LONP2: variants seen among roughly 807,000 people sequenced by gnomAD.
LONP2 encodes the protein lon peptidase 2, peroxisomal, also known as lon protease homolog 2, peroxisomal.
In LONP2, 60 loss-of-function variants were observed where a neutral mutation model predicts 85.6. The ratio of observed to expected loss-of-function variants is 0.70; its 90% confidence interval spans 0.57 to 0.87. The LOEUF is 0.87. LONP2 is among the 40% of genes least tolerant of loss of function. The probability of loss-of-function intolerance (pLI) is 0.00; values close to 1 mark genes in which losing one functional copy is unlikely to be tolerated. For missense variants in LONP2, 860 were observed against 1,063.5 expected (o/e 0.81, Z 2.66); for synonymous variants, 395 against 389.7 (o/e 1.01, Z -0.16).
At position 48,288,778 on chromosome 16, in the gene LONP2, TAC is replaced by T. The variant is rs71714500; in HGVS notation, c.1384-7235_1384-7234del. Among the ~76,000 whole-genome samples, 652 of 152,194 alleles carry T rather than the reference TAC, an allele frequency of 4.3e-3. 3 individuals are homozygous for T. The highest frequency in any genetic ancestry group is 0.015 in the African/African-American group (617 of 41,504). On this transcript the variant is annotated intron_variant, in intron 8 of 14. Coordinates refer to ENST00000285737, the MANE Select transcript of LONP2 (RefSeq NM_031490.5). ...CCTTCTTAAACACCCTGTCTCCAAA[TAC>T]AGTCTTCACCCTGACTGCCCTTGAG...
At chr16:48,257,785 G>A (rs1410766489) in intron 3 of LONP2, among the ~76,000 whole-genome samples, 1 of 152,148 alleles carries the variant, frequency 6.6e-6, no homozygotes, top group East Asian at 1.9e-4. Context: ...TAATCCAGTG[G>A]GAGTAGAAGA....
intron 12 of LONP2, among the ~76,000 whole-genome samples, chr16:48,337,253 A>G (rs1959679777): frequency 6.6e-6 from 1 of 152,210 alleles, no homozygotes; most frequent in Admixed American, 6.5e-5. Flanking sequence ...TGTCTGCTAG[A>G]AGAGAGTGGC....
chr16:48,303,652 A>G (rs1972854162), intron 11 of LONP2, among the ~76,000 whole-genome samples: 1 of 152,154 alleles, frequency 6.6e-6, no homozygotes, highest in Admixed American at 6.5e-5. Flanking sequence ...AAGTCCCACA[A>G]TAGGCCATCT....
chr16:48,310,608 T>G (rs541852592), intron 11 of LONP2, among the ~76,000 whole-genome samples: 1 of 152,346 alleles, frequency 6.6e-6, no homozygotes, highest in South Asian at 2.1e-4. Context: ...CGCCTTGGCC[T>G]CCCAAAGTGC....
chr16:48,284,695 CA>C (rs749665609), intron 8 of LONP2, among the ~76,000 whole-genome samples: 7 of 150,142 alleles, frequency 4.7e-5, no homozygotes, highest in Admixed American at 2.0e-4. Context: ...CACTGGGAAA[CA>C]AAAAAAAACA....
chr16:48,274,809 TA>T (rs1972173066), intron 7 of LONP2, among the ~76,000 whole-genome samples: 1 of 152,200 alleles, frequency 6.6e-6, no homozygotes, highest in African/African-American at 2.4e-5. Context: ...GGATTTTAAG[TA>T]ACAGAATTGT....
Position 48,303,073 on chromosome 16 carries a change from T to G in LONP2, c.1662-99T>G, listed in dbSNP as rs1972839260. ...GTACTCAAGAAAGGGTAATGAACTT[T>G]TAAATGTACACTGTTTTACCAAAAA... On this transcript the variant is annotated intron_variant, in intron 10 of 14. Coordinates refer to ENST00000285737, the MANE Select transcript of LONP2 (RefSeq NM_031490.5). 3 of 1,348,744 alleles carry G rather than the reference T, an allele frequency of 2.2e-6. No homozygotes were observed. In the African/African-American group the frequency reaches 4.4e-5, roughly 20 times the overall value. 83.5% of individuals were successfully genotyped at this position (1,348,744 alleles called of 1,614,324 possible).
In LONP2 at chr16:48,325,845, T is replaced by C. The variant is rs568635896; in HGVS notation, c.1796-8371T>C. On this transcript the variant is annotated intron_variant, in intron 11 of 14. Coordinates refer to ENST00000285737, the MANE Select transcript of LONP2 (RefSeq NM_031490.5). ...GAAACCTCCATACTGTTTTCCATAA[T>C]GGCTGTACTAATTTACATTCCAGCC... Among the ~76,000 whole-genome samples the C allele has an allele frequency of 2.0e-5, 3 of 152,354 alleles. No individual in the cohort carries two copies. The South Asian group carries it at 6.2e-4, about 32-fold the overall frequency.
At position 48,351,960 on chromosome 16, in the gene LONP2, T is replaced by C. The variant is rs553526961; in HGVS notation, c.*158T>C. ...CTCAAGTAGTGGCTAGTGTTTAGTA[T>C]AGAAATATAAGATGTTGATTTAGTA... On this transcript the variant is annotated 3_prime_UTR_variant, in exon 15 of 15. Transcript: ENST00000285737. 2.4e-5 allele frequency: 15 copies of C among 617,914 alleles called. No individual in the cohort carries two copies. The Admixed American group carries it at 3.5e-4, about 15-fold the overall frequency. 38.3% of individuals were successfully genotyped at this position (617,914 alleles called of 1,614,324 possible).
intron 4 of LONP2, 44 bp from the exon 5 acceptor site, chr16:48,261,380 A>G (rs747787762): frequency 6.8e-7 from 1 of 1,466,652 alleles, no homozygotes; most frequent in Non-Finnish European, 9.2e-7. Flanking sequence ...TTCGTTTCCA[A>G]TTTATTTTGA....
At chr16:48,330,025 A>G (rs2088431151) in intron 11 of LONP2, among the ~76,000 whole-genome samples, 3 of 152,232 alleles carry the variant, frequency 2.0e-5, no homozygotes, top group African/African-American at 7.2e-5. Flanking sequence ...CTTTCAGTCT[A>G]TTTCCATATT....
In LONP2 at chr16:48,262,794, C is replaced by T; in HGVS notation, c.904C>T (p.Gln302Ter). ...TCTCCACAGACTCAAAAAAATGCCT[C>T]AGTCAATGCCAGAATATGCTCTGAC... ...KEIKRLKKMP[Q>*]SMPEYALTRN... Residue 302 changes from glutamine (Q) to a stop codon, truncating the protein, a stop_gained, in exon 6 of 15, where the codon CAG becomes TAG. Coordinates refer to ENST00000285737, the MANE Select transcript of LONP2 (RefSeq NM_031490.5). LOFTEE classifies it high-confidence loss of function. The T allele has an allele frequency of 6.2e-7, 1 of 1,608,792 alleles. No homozygotes were observed.
chr16:48,288,812 C>T (rs747731900), intron 8 of LONP2, among the ~76,000 whole-genome samples: 5 of 151,994 alleles, frequency 3.3e-5, no homozygotes, highest in African/African-American at 4.8e-5. Context: ...TGAGACAGAG[C>T]GGAGGGGGTT....
chr16:48,356,428 G>GTTGT lies in LONP2; in HGVS notation c.*4629_*4632dup. On this transcript the variant is annotated 3_prime_UTR_variant, in exon 15 of 15. Transcript: ENST00000285737. ...TAGATGTAAACATCAAGTAGTTTTG[G>GTTGT]TTGTTTCAATGAAGTAACATGTTTA... The GTTGT allele has an allele frequency of 6.6e-6, 1 of 150,452 alleles. No individual in the cohort carries two copies. Among genetic ancestry groups the GTTGT allele is most frequent in the Non-Finnish European group, 1.5e-5 (1 of 68,076 alleles). The allele number at this position is 150,452 out of a possible 1,614,324, so 9.3% of individuals were successfully genotyped here. A position where few individuals can be genotyped will look rare whatever the true frequency, so the allele number is the denominator to read the frequency against.
Position 48,244,580 on chromosome 16 carries a change from T to C in LONP2, c.192T>C (p.Pro64=), listed in dbSNP as rs369746025. ...TCCTGGGCGTCATCCCCAACACGCC[T>C]GACCCCGCCAGCGACGCGCAGGACC... ...STILGVIPNT[P]DPASDAQDLP... is the part of the protein sequence containing the mutation. The change falls in exon 1 of 15, where the codon CCT becomes CCC. Residue 64 remains proline, a synonymous_variant. Coordinates refer to ENST00000285737, the MANE Select transcript of LONP2 (RefSeq NM_031490.5). 1,307 of 1,502,256 alleles carry C rather than the reference T, an allele frequency of 8.7e-4. 10 individuals carry two copies. In the African/African-American group the frequency reaches 0.017, roughly 19 times the overall value. 93.1% of individuals were successfully genotyped at this position (1,502,256 alleles called of 1,614,324 possible). A position where few individuals can be genotyped will look rare whatever the true frequency, so the allele number is the denominator to read the frequency against.
intron 12 of LONP2, among the ~76,000 whole-genome samples, chr16:48,339,554 G>A (rs958289633): frequency 6.6e-6 from 1 of 152,294 alleles, no homozygotes; most frequent in Non-Finnish European, 1.5e-5. Context: ...GTCAAAGGGA[G>A]AATGTTTTCA....
At chr16:48,264,075 A>G (rs111767548) in intron 6 of LONP2, among the ~76,000 whole-genome samples, 2,078 of 152,276 alleles carry the variant, frequency 0.014, 48 homozygotes, top group African/African-American at 0.047. Flanking sequence ...CACAAGGCAA[A>G]TGGAGGCAGG....
downstream of LONP2, chr16:48,361,472 T>C (rs771733917): frequency 4.1e-5 from 44 of 1,064,496 alleles, no homozygotes; most frequent in Middle Eastern, 2.0e-4. Context: ...CCTTCATGTG[T>C]CTAGCTTCCA....
chr16:48,297,540 C>A (rs578024399), intron 9 of LONP2, among the ~76,000 whole-genome samples: 1 of 152,136 alleles, frequency 6.6e-6, no homozygotes, highest in Non-Finnish European at 1.5e-5. Flanking sequence ...GAACTCCTGA[C>A]CTTAGGTGAT....
Sources: allele counts gnomAD v4.1 joint callset (sites outside exome capture counted in the v4.1 genomes callset), GRCh38; gene constraint gnomAD v4.1.1; transcripts MANE v1.5; gene names NCBI Gene and HGNC (gene_info 2026-07-23, HGNC 2026-07-21).